The following NUCB2 variants were observed in gnomAD, a reference collection of about 807,000 sequenced individuals.
The protein encoded by NUCB2 is nucleobindin-2.
A neutral mutation model predicts 57.9 loss-of-function variants in NUCB2; 48 were observed. That is an observed-to-expected ratio of 0.83 (90% CI 0.66 to 1.05). The LOEUF is 1.05. Ranked by LOEUF, NUCB2 falls within the 50% of genes least tolerant of loss-of-function variation. The pLI is 0.00. For synonymous variants in NUCB2, 139 were observed against 152.1 expected, an observed-to-expected ratio of 0.91 and a Z score of 0.64; for missense variants, 442 against 476.2, an observed-to-expected ratio of 0.93 and a Z score of 0.67.
intron 5 of NUCB2, among the ~76,000 whole-genome samples, chr11:17,302,942 G>T (rs921923804): frequency 6.6e-6 from 1 of 152,122 alleles, no homozygotes; most frequent in Non-Finnish European, 1.5e-5. Flanking sequence ...GTTTCACCAT[G>T]TTAGCCAGGA....
chr11:17,346,345 T>TAATATGCAGACAA (rs1350194005), intron 2 of NUCB2, among the ~76,000 whole-genome samples: 5 of 152,174 alleles, frequency 3.3e-5, no homozygotes, highest in Admixed American at 2.0e-4. Context: ...CAGGTGATTC[T>TAATATGCAGACAA]AATATGCAGA....
chr11:17,293,343 T>G (rs755896612), intron 2 of NUCB2, among the ~76,000 whole-genome samples: 5 of 152,108 alleles, frequency 3.3e-5, no homozygotes, highest in Non-Finnish European at 7.3e-5. Context: ...TTGACTTTCC[T>G]TCTTATTTAT....
intron 11 of NUCB2, among the ~76,000 whole-genome samples, chr11:17,327,664 A>G (rs1489628433): frequency 6.6e-6 from 1 of 152,164 alleles, no homozygotes; most frequent in Admixed American, 6.5e-5. Flanking sequence ...CCTGTCTTCA[A>G]GCTCAGTAAT....
chr11:17,290,941 C>G (rs539013392), intron 2 of NUCB2, among the ~76,000 whole-genome samples: 15 of 152,086 alleles, frequency 9.9e-5, no homozygotes, highest in Non-Finnish European at 1.6e-4. Flanking sequence ...ATACAATTCT[C>G]TCTTTTATAG....
chr11:17,341,134 A>G (rs1250847436), intron 2 of NUCB2, among the ~76,000 whole-genome samples: 8 of 152,286 alleles, frequency 5.3e-5, no homozygotes, highest in Admixed American at 2.0e-4. Flanking sequence ...ATTGGTGTAT[A>G]AGAATGCTTG....
At chr11:17,339,726 T>C (rs368242384) in intron 2 of NUCB2, among the ~76,000 whole-genome samples, 2 of 151,820 alleles carry the variant, frequency 1.3e-5, no homozygotes, top group African/African-American at 2.4e-5. Flanking sequence ...TGTATATGTG[T>C]CACATTTTCT....
intron 2 of NUCB2, among the ~76,000 whole-genome samples, chr11:17,291,893 C>G (rs75885999): frequency 0.019 from 2,843 of 152,184 alleles, 93 homozygotes; most frequent in African/African-American, 0.065. Context: ...TCTCAGCAAC[C>G]AGGCCTGCTA....
At chr11:17,309,789 T>A in intron 6 of NUCB2, 114 bp downstream of exon 6, 1 of 618,690 alleles carries the variant, frequency 1.6e-6, no homozygotes, top group Non-Finnish European at 2.7e-6. Context: ...AGAAGTTCTT[T>A]AAAGGAAGGT....
chr11:17,349,031 C>T (rs1056467537), intron 2 of NUCB2, among the ~76,000 whole-genome samples: 5 of 151,808 alleles, frequency 3.3e-5, no homozygotes, highest in Non-Finnish European at 7.4e-5. Flanking sequence ...CCACCCGCCT[C>T]GGCCTCCCAA....
intron 2 of NUCB2, among the ~76,000 whole-genome samples, chr11:17,346,159 A>G (rs1952717894): frequency 1.3e-5 from 2 of 152,222 alleles, no homozygotes; most frequent in Admixed American, 6.5e-5. Flanking sequence ...GGCCTTAGAT[A>G]CTATCTTCCA....
intron 1 of NUCB2, among the ~76,000 whole-genome samples, chr11:17,280,179 G>A (rs1942269424): frequency 1.3e-5 from 2 of 152,048 alleles, no homozygotes; most frequent in South Asian, 4.1e-4. Flanking sequence ...TTAATAATAT[G>A]TTTATTGAGT....
intron 5 of NUCB2, among the ~76,000 whole-genome samples, chr11:17,305,072 C>G (rs1004309549): frequency 1.3e-5 from 2 of 152,180 alleles, no homozygotes; most frequent in African/African-American, 4.8e-5. Context: ...GCCTGTAATC[C>G]CAGCACTTGG....
intron 11 of NUCB2, among the ~76,000 whole-genome samples, chr11:17,329,667 G>A (rs1401560350): frequency 6.6e-6 from 1 of 152,240 alleles, no homozygotes; most frequent in Non-Finnish European, 1.5e-5. Context: ...ATGGGAGAGA[G>A]GTGGCATAGG....
intron 4 of NUCB2, 93 bp from the exon 5 acceptor site, chr11:17,301,651 T>G: frequency 9.2e-6 from 7 of 757,140 alleles, no homozygotes; most frequent in Middle Eastern, 3.5e-4. Flanking sequence ...AAAGTATTTA[T>G]CACTAATGTA....
chr11:17,345,971 T>C (rs538978807), intron 2 of NUCB2, among the ~76,000 whole-genome samples: 1 of 152,294 alleles, frequency 6.6e-6, no homozygotes, highest in African/African-American at 2.4e-5. Context: ...TGCAATATTT[T>C]TTGGAAAATA....
chr11:17,335,015 A>T (rs549472457), downstream of NUCB2, among the ~76,000 whole-genome samples: 129 of 152,316 alleles, frequency 8.5e-4, no homozygotes, highest in African/African-American at 3.0e-3. Context: ...AACATACTTA[A>T]ATAATGGATC....
chr11:17,303,272 G>T (rs898176751), intron 5 of NUCB2, among the ~76,000 whole-genome samples: 2 of 152,056 alleles, frequency 1.3e-5, no homozygotes, highest in African/African-American at 2.4e-5. Flanking sequence ...GAAAAAGAAG[G>T]AAAGCTTCCA....
Position 17,312,021 on chromosome 11 carries a change from T to A in NUCB2, c.820-7T>A, listed in dbSNP as rs1948557769. Reference sequence around the variant, plus strand: ...CTTTCATGTTCATTTAAAATTTTTCTTTTTAGTTGGAGAAAGTATATGACC... The same window carrying A: ...CTTTCATGTTCATTTAAAATTTTTCATTTTAGTTGGAGAAAGTATATGACC... On this transcript the variant is annotated splice_polypyrimidine_tract_variant and splice_region_variant and intron_variant, in intron 9 of 13. Coordinates refer to ENST00000529010, the MANE Select transcript of NUCB2 (RefSeq NM_005013.4). 1 of 1,567,058 alleles carries A rather than the reference T, an allele frequency of 6.4e-7. No homozygotes were observed. The highest frequency in any genetic ancestry group is 8.6e-7 in the Non-Finnish European group (1 of 1,158,042).
At chr11:17,301,706 T>C in intron 4 of NUCB2, 38 bp from the exon 5 acceptor site, 2 of 1,526,136 alleles carry the variant, frequency 1.3e-6, no homozygotes, top group Non-Finnish European at 1.8e-6. Flanking sequence ...AAAAATGGAA[T>C]GTAATAGATA....
Sources: allele counts gnomAD v4.1 joint callset (sites outside exome capture counted in the v4.1 genomes callset), GRCh38; gene constraint gnomAD v4.1.1; transcripts MANE v1.5; gene names NCBI Gene and HGNC (gene_info 2026-07-23, HGNC 2026-07-21).